The following CLASP2 variants were observed in gnomAD, a reference collection of about 807,000 sequenced individuals.
CLASP2 encodes the protein cytoplasmic linker associated protein 2, also known as CLIP-associating protein 2.
Under a neutral mutation model 194.4 loss-of-function variants are expected in CLASP2, and 47 were observed. The observed-to-expected ratio is 0.24, with a 90% CI of 0.19 to 0.31. The LOEUF is 0.31. CLASP2 is among the 10% of genes least tolerant of loss of function. The probability of loss-of-function intolerance (pLI) is 1.00; values close to 1 mark genes in which losing one functional copy is unlikely to be tolerated. For missense variants in CLASP2, 1,445 were observed against 1,823.6 expected, an observed-to-expected ratio of 0.79 and a Z score of 3.78; for synonymous variants, 619 against 633.5, an observed-to-expected ratio of 0.98 and a Z score of 0.34.
At chr3:33,616,734 C>CTTTTT (rs958911625) in intron 12 of CLASP2, among the ~76,000 whole-genome samples, 5 of 95,368 alleles carry the variant, frequency 5.2e-5, no homozygotes, top group South Asian at 3.5e-4. Flanking sequence ...ACTATACTTC[C>CTTTTT]TTTTTTTTTT....
intron 20 of CLASP2, 62 bp downstream of exon 20, chr3:33,594,889 C>A (rs1348805380): frequency 3.0e-5 from 28 of 923,968 alleles, no homozygotes; most frequent in Non-Finnish European, 4.2e-5. Flanking sequence ...ATATTTAATT[C>A]CTACCAATGA....
At chr3:33,562,087 T>A (rs550244331) in intron 27 of CLASP2, among the ~76,000 whole-genome samples, 120 of 152,326 alleles carry the variant, frequency 7.9e-4, no homozygotes, top group African/African-American at 2.5e-3. Context: ...AGAATTATAA[T>A]TAAGCTTCAA....
chr3:33,601,427 A>AT (rs1306195280), intron 18 of CLASP2, among the ~76,000 whole-genome samples: 3 of 152,070 alleles, frequency 2.0e-5, no homozygotes, highest in African/African-American at 7.2e-5. Flanking sequence ...TATATGTAGA[A>AT]TTTTTTCTAT....
chr3:33,529,699 C>T (rs1401675769), intron 34 of CLASP2, among the ~76,000 whole-genome samples: 4 of 152,104 alleles, frequency 2.6e-5, no homozygotes, highest in Non-Finnish European at 2.9e-5. Context: ...AAAAGATCTT[C>T]GGCCGGGCGC....
At chr3:33,552,104 T>C (rs1051868862) in intron 29 of CLASP2, among the ~76,000 whole-genome samples, 8 of 150,116 alleles carry the variant, frequency 5.3e-5, no homozygotes, top group Non-Finnish European at 1.2e-4. Flanking sequence ...AAATGTTATG[T>C]GTGGGTTTAT....
At chr3:33,557,308 T>C (rs2154173311) in intron 29 of CLASP2, among the ~76,000 whole-genome samples, 1 of 152,170 alleles carries the variant, frequency 6.6e-6, no homozygotes, top group Middle Eastern at 3.4e-3. Context: ...TAGACCTTCA[T>C]TTGCACTGGT....
intron 13 of CLASP2, among the ~76,000 whole-genome samples, chr3:33,611,739 T>C (rs1270421525): frequency 2.6e-5 from 4 of 152,166 alleles, no homozygotes; most frequent in African/African-American, 7.2e-5. Flanking sequence ...TCTGTACTCC[T>C]TGTTCTCTGA....
intron 23 of CLASP2, among the ~76,000 whole-genome samples, chr3:33,581,028 A>AG (rs1463714775): frequency 6.7e-6 from 1 of 150,168 alleles, no homozygotes. Context: ...AAAAAAAAAA[A>AG]AAAGAAAGAA....
At chr3:33,710,644 C>T (rs1268007829) in intron 1 of CLASP2, among the ~76,000 whole-genome samples, 1 of 151,960 alleles carries the variant, frequency 6.6e-6, no homozygotes, top group East Asian at 1.9e-4. Flanking sequence ...TTTAAATTAC[C>T]GAGGAGTTGG....
At chr3:33,554,408 G>A (rs1195354394) in intron 29 of CLASP2, among the ~76,000 whole-genome samples, 1 of 152,110 alleles carries the variant, frequency 6.6e-6, no homozygotes, top group Non-Finnish European at 1.5e-5. Context: ...GCCAGACATA[G>A]AAAGACAAAT....
chr3:33,656,049 A>T (rs1444693292), intron 7 of CLASP2, among the ~76,000 whole-genome samples: 2 of 152,162 alleles, frequency 1.3e-5, no homozygotes, highest in Admixed American at 6.5e-5. Flanking sequence ...ATCTGGTTTG[A>T]TTGCCCAGAG....
At chr3:33,557,008 C>T (rs1283353093) in intron 29 of CLASP2, among the ~76,000 whole-genome samples, 1 of 152,168 alleles carries the variant, frequency 6.6e-6, no homozygotes, top group East Asian at 1.9e-4. Context: ...AAGTCTCACT[C>T]TGTCTCCCAA....
chr3:33,584,282 G>GC (rs1553798886), intron 22 of CLASP2, among the ~76,000 whole-genome samples: 1 of 132,618 alleles, frequency 7.5e-6, no homozygotes, highest in African/African-American at 2.8e-5. Flanking sequence ...TTTGTTTTGG[G>GC]TTTTTTTTTT....
chr3:33,517,099 T>C lies in CLASP2; in HGVS notation c.3863A>G (p.Glu1288Gly), dbSNP rs771551971. The C allele has an allele frequency of 6.2e-7, 1 of 1,613,682 alleles. No homozygotes were observed. The highest frequency in any genetic ancestry group is 8.5e-7 in the Non-Finnish European group (1 of 1,179,764). The change falls in exon 35 of 39, where the codon GAA becomes GGA. Residue 1288 changes from glutamate to glycine, a missense_variant. Coordinates refer to ENST00000682230, the MANE Select transcript of CLASP2 (RefSeq NM_001365631.1). Reference sequence around the variant, plus strand: ...AAGTTCATAGAGGGCAATTTTTCTTTCTTCTACACGCTCATTATGGTTAGA... The same window carrying C: ...AAGTTCATAGAGGGCAATTTTTCTTCCTTCTACACGCTCATTATGGTTAGA... The part of the protein sequence containing the change: ...ELSNHNERVE[E>G]RKIALYELMK...
chr3:33,706,708 T>C (rs2154355463), intron 1 of CLASP2, among the ~76,000 whole-genome samples: 1 of 152,282 alleles, frequency 6.6e-6, no homozygotes, highest in Admixed American at 6.5e-5. Flanking sequence ...ATGCCTGTAA[T>C]CCCAGCACTT....
At chr3:33,669,956 A>G (rs2086851391) in intron 6 of CLASP2, among the ~76,000 whole-genome samples, 2 of 152,150 alleles carry the variant, frequency 1.3e-5, no homozygotes, top group African/African-American at 4.8e-5. Flanking sequence ...CCGTAAACCA[A>G]AAACAATGCA....
intron 6 of CLASP2, among the ~76,000 whole-genome samples, chr3:33,670,312 A>G (rs1002711633): frequency 2.6e-5 from 4 of 152,294 alleles, no homozygotes; most frequent in African/African-American, 9.6e-5. Flanking sequence ...GGATGTTGTA[A>G]TGTTCTACTT....
intron 29 of CLASP2, among the ~76,000 whole-genome samples, chr3:33,555,277 T>C (rs985511688): frequency 6.6e-6 from 1 of 151,738 alleles, no homozygotes; most frequent in Non-Finnish European, 1.5e-5. Flanking sequence ...CTATTAGCCA[T>C]CAGAAATGTG....
chr3:33,661,875 G>A (rs530305022), intron 7 of CLASP2, among the ~76,000 whole-genome samples: 2 of 152,328 alleles, frequency 1.3e-5, no homozygotes, highest in African/African-American at 2.4e-5. Flanking sequence ...ATTTTCCAAC[G>A]TGATAAATAG....
Sources: gnomAD v4.1 joint callset for allele counts (sites outside exome capture counted in the v4.1 genomes callset) on GRCh38, gnomAD v4.1.1 for gene constraint, MANE v1.5 for transcripts, NCBI Gene and HGNC (gene_info 2026-07-23, HGNC 2026-07-21) for gene names.